Variants in NT5DC3 observed in about 807,000 individuals in gnomAD.
NT5DC3 encodes the protein 5'-nucleotidase domain-containing protein 3.
Under a neutral mutation model 67.8 loss-of-function variants are expected in NT5DC3, and 42 were observed. That is an observed-to-expected ratio of 0.62 (90% CI 0.48 to 0.80). The LOEUF is 0.80. NT5DC3 is among the 30% of genes least tolerant of loss of function. The pLI is 0.00. For synonymous variants in NT5DC3, 237 were observed against 255.6 expected, an observed-to-expected ratio of 0.93 and a Z score of 0.69; for missense variants, 570 against 696.4, an observed-to-expected ratio of 0.82 and a Z score of 2.04.
the NT5DC3 span, among the ~76,000 whole-genome samples, chr12:103,746,918 G>C: frequency 6.6e-6 from 1 of 151,718 alleles, no homozygotes; most frequent in South Asian, 2.1e-4. Flanking sequence ...TTGCAAACTG[G>C]GATGCACTTT....
At chr12:103,778,689 C>T (rs899637383) in intron 13 of NT5DC3, among the ~76,000 whole-genome samples, 1 of 152,080 alleles carries the variant, frequency 6.6e-6, no homozygotes. Context: ...GTCTGTAGTT[C>T]CAGCTACTCA....
chr12:103,773,639 C>G lies in NT5DC3; in HGVS notation c.*4190G>C, dbSNP rs1885246960. 6.6e-6 allele frequency: 1 copy of G among 152,116 alleles called. No individual in the cohort carries two copies. The highest frequency in any genetic ancestry group is 1.5e-5 in the Non-Finnish European group (1 of 68,018). 9.4% of individuals were successfully genotyped at this position (152,116 alleles called of 1,614,324 possible). A position where few individuals can be genotyped will look rare whatever the true frequency, so the allele number is the denominator to read the frequency against. On this transcript the variant is annotated 3_prime_UTR_variant, in exon 14 of 14. Transcript: ENST00000392876. Reference sequence around the variant, plus strand: ...TAGTTGAACAGAACAATCAAGGAACCCTGTGTCTGGCCAAATTTCGTCTTA... The same window carrying G: ...TAGTTGAACAGAACAATCAAGGAACGCTGTGTCTGGCCAAATTTCGTCTTA...
chr12:103,763,558 T>C, the NT5DC3 span: 3 of 1,613,986 alleles, frequency 1.9e-6, no homozygotes, highest in Non-Finnish European at 2.5e-6. Flanking sequence ...GAACCCCTTG[T>C]ATGAGAGCAC....
intron 6 of NT5DC3, 45 bp from the exon 7 acceptor site, chr12:103,794,042 A>G (rs1235176141): frequency 6.8e-7 from 1 of 1,463,118 alleles, no homozygotes; most frequent in Non-Finnish European, 9.6e-7. Context: ...CAACTGAGAT[A>G]GCCTGAGTAA....
At chr12:103,805,650 A>G (rs1475767053) in intron 4 of NT5DC3, among the ~76,000 whole-genome samples, 1 of 152,104 alleles carries the variant, frequency 6.6e-6, no homozygotes. Context: ...GTTCAAGACC[A>G]GCCTGGCTAA....
intron 1 of NT5DC3, among the ~76,000 whole-genome samples, chr12:103,828,184 A>G (rs1216611204): frequency 1.3e-5 from 2 of 152,236 alleles, no homozygotes; most frequent in African/African-American, 4.8e-5. Context: ...ATCATATGGA[A>G]GGGGAATCAA....
chr12:103,829,487 T>C (rs972935126), intron 1 of NT5DC3, among the ~76,000 whole-genome samples: 1 of 152,240 alleles, frequency 6.6e-6, no homozygotes, highest in African/African-American at 2.4e-5. Context: ...AGATATCTTT[T>C]CCCATTCTAT....
At chr12:103,765,977 C>A, downstream of NT5DC3, 1 of 482,350 alleles carries the variant, frequency 2.1e-6, no homozygotes, top group South Asian at 1.8e-5. Flanking sequence ...TAAATGTAGG[C>A]TCTAATTTAA....
Position 103,807,065 on chromosome 12 carries a change from G to T in NT5DC3, c.394-136C>A. The T allele has an allele frequency of 1.7e-5, 10 of 598,244 alleles. 1 individual carries two copies. In the South Asian group the frequency reaches 1.9e-4, roughly 12 times the overall value. 37.1% of individuals were successfully genotyped at this position (598,244 alleles called of 1,614,324 possible). A position where few individuals can be genotyped will look rare whatever the true frequency, so the allele number is the denominator to read the frequency against. ...TTGGGGTCAGAAGGGGCAGACCACAGCTTGTCCCTCTGCTTCCAATCCAAG... is the reference window on the plus strand; with the variant it reads ...TTGGGGTCAGAAGGGGCAGACCACATCTTGTCCCTCTGCTTCCAATCCAAG... On this transcript the variant is annotated intron_variant, in intron 2 of 13. Transcript: ENST00000392876.
chr12:103,780,984 A>AT (rs5800598), intron 12 of NT5DC3, among the ~76,000 whole-genome samples: 1 of 151,660 alleles, frequency 6.6e-6, no homozygotes, highest in Non-Finnish European at 1.5e-5. Context: ...AAAAACAATT[A>AT]TTTTTTTGCA....
chr12:103,755,358 C>A, the NT5DC3 span: 1 of 1,614,190 alleles, frequency 6.2e-7, no homozygotes, highest in South Asian at 1.1e-5. Flanking sequence ...TTGCCTACCC[C>A]ACAGCCTTCG....
intron 1 of NT5DC3, among the ~76,000 whole-genome samples, chr12:103,826,283 G>T (rs1187220675): frequency 1.3e-5 from 2 of 152,324 alleles, no homozygotes; most frequent in Admixed American, 6.5e-5. Flanking sequence ...TAGAACCTGT[G>T]AATATGTTAT....
chr12:103,750,733 A>G, the NT5DC3 span: 1 of 1,608,336 alleles, frequency 6.2e-7, no homozygotes, highest in Non-Finnish European at 8.5e-7. Flanking sequence ...TAGTGTGACC[A>G]GGGCCTATGG....
the NT5DC3 span, chr12:103,749,020 A>G: frequency 1.3e-5 from 21 of 1,614,056 alleles, no homozygotes; most frequent in Non-Finnish European, 1.8e-5. Context: ...AGATGCTCCC[A>G]GAAGGGCACG....
chr12:103,822,090 A>C (rs1465651005), intron 1 of NT5DC3: 1 of 152,248 alleles, frequency 6.6e-6, no homozygotes. Flanking sequence ...TAGAAAAAGA[A>C]ACATGCGAGT....
intron 13 of NT5DC3, 78 bp downstream of exon 13, chr12:103,780,222 G>T (rs1885491777): frequency 2.5e-6 from 3 of 1,201,048 alleles, no homozygotes; most frequent in Non-Finnish European, 3.7e-6. Context: ...CCTCAGGCTG[G>T]CCCTGGGGAA....
chr12:103,763,684 G>A, the NT5DC3 span: 1 of 1,311,130 alleles, frequency 7.6e-7, no homozygotes, highest in Admixed American at 1.9e-5. Context: ...AATTTCAGTG[G>A]AGATCTTTGT....
At chr12:103,816,152 C>T (rs551114839) in intron 1 of NT5DC3, among the ~76,000 whole-genome samples, 86 of 152,282 alleles carry the variant, frequency 5.6e-4, no homozygotes, top group Non-Finnish European at 1.1e-3. Context: ...CAACCTACTA[C>T]AGGTTGAGCA....
intron 1 of NT5DC3, among the ~76,000 whole-genome samples, chr12:103,826,689 T>C (rs1347521832): frequency 6.6e-6 from 1 of 152,246 alleles, no homozygotes; most frequent in Non-Finnish European, 1.5e-5. Flanking sequence ...CACTAATTTG[T>C]GGTAATTTGT....
Sources: gnomAD v4.1 joint callset for allele counts (sites outside exome capture counted in the v4.1 genomes callset) on GRCh38, gnomAD v4.1.1 for gene constraint, MANE v1.5 for transcripts, NCBI Gene and HGNC (gene_info 2026-07-23, HGNC 2026-07-21) for gene names.